SUGCT: variants seen among roughly 807,000 people sequenced by gnomAD.
SUGCT encodes succinyl-CoA:glutarate CoA-transferase.
Under a neutral mutation model 55.0 loss-of-function variants are expected in SUGCT, and 41 were observed. That is an observed-to-expected ratio of 0.74 (90% CI 0.58 to 0.97). SUGCT has a LOEUF of 0.97. Among genes scored for constraint, SUGCT ranks in the 50% least tolerant of loss-of-function variants. SUGCT has a pLI of 0.00. For missense variants in SUGCT, 568 were observed against 547.8 expected (o/e 1.04, Z -0.37); for synonymous variants, 187 against 200.4 (o/e 0.93, Z 0.56).
chr7:40,756,208 G>A (rs1057138220), intron 13 of SUGCT, among the ~76,000 whole-genome samples: 22 of 152,312 alleles, frequency 1.4e-4, no homozygotes, highest in African/African-American at 4.6e-4. Context: ...GGGCAAAAAT[G>A]TCATAATTTG....
At chr7:40,376,761 A>G (rs1784568406) in intron 9 of SUGCT, among the ~76,000 whole-genome samples, 1 of 149,138 alleles carries the variant, frequency 6.7e-6, no homozygotes, top group East Asian at 1.9e-4. Flanking sequence ...TTTTTTTAAC[A>G]GTTGCATACT....
At chr7:40,274,794 G>A in intron 8 of SUGCT, 138 bp downstream of exon 8, 1 of 834,678 alleles carries the variant, frequency 1.2e-6, no homozygotes, top group Non-Finnish European at 1.9e-6. Context: ...GTTTCATTTT[G>A]ATGTACTTGT....
intron 6 of SUGCT, among the ~76,000 whole-genome samples, chr7:40,234,863 G>A (rs569491684): frequency 5.5e-4 from 83 of 151,968 alleles, no homozygotes; most frequent in South Asian, 1.5e-3. Flanking sequence ...GAGCCCCGAC[G>A]GTGCCACTGC....
rs562284152 is a variant in SUGCT, at chr7:40,756,675, A to C, written c.1153+7178A>C. On this transcript the variant is annotated intron_variant, in intron 13 of 13. Transcript: ENST00000335693. ...AAAAATTAAGAGGAACCAAAGTTTC[A>C]GCATATATCTCTCCATAAAGTTTAA... Among the ~76,000 whole-genome samples the C allele has an allele frequency of 3.9e-5, 6 of 152,336 alleles. No homozygotes were observed. In the East Asian group the frequency reaches 1.2e-3, roughly 29 times the overall value.
At chr7:40,916,066 TA>T in the SUGCT span, among the ~76,000 whole-genome samples, 3 of 90,246 alleles carry the variant, frequency 3.3e-5, no homozygotes, top group African/African-American at 1.2e-4. Context: ...TCTCTCTCTC[TA>T]CATACACACA....
intron 9 of SUGCT, among the ~76,000 whole-genome samples, chr7:40,442,369 T>C (rs1788560579): frequency 6.6e-6 from 1 of 152,094 alleles, no homozygotes; most frequent in Admixed American, 6.6e-5. Context: ...AATTTTTCTG[T>C]CATATTTCTC....
At chr7:40,486,551 G>C (rs1791361495) in intron 11 of SUGCT, among the ~76,000 whole-genome samples, 3 of 151,966 alleles carry the variant, frequency 2.0e-5, no homozygotes, top group Non-Finnish European at 4.4e-5. Flanking sequence ...TCCATGAGGT[G>C]CATGATTAGA....
chr7:40,926,108 A>C, the SUGCT span, among the ~76,000 whole-genome samples: 1 of 152,068 alleles, frequency 6.6e-6, no homozygotes, highest in African/African-American at 2.4e-5. Context: ...TTAAAAAAAA[A>C]AAATCCCACT....
the SUGCT span, among the ~76,000 whole-genome samples, chr7:40,986,321 A>G: frequency 7.1e-3 from 1,084 of 152,336 alleles, 12 homozygotes; most frequent in African/African-American, 0.024. Flanking sequence ...GTCAAAATGA[A>G]TAAGAGTTTT....
At chr7:40,301,398 T>C (rs2151078252) in intron 8 of SUGCT, among the ~76,000 whole-genome samples, 1 of 152,350 alleles carries the variant, frequency 6.6e-6, no homozygotes, top group Middle Eastern at 3.4e-3. Flanking sequence ...TTAATTAATA[T>C]AGCAATCCTT....
chr7:40,539,580 A>G (rs564099664), intron 12 of SUGCT: 4 of 152,206 alleles, frequency 2.6e-5, no homozygotes, highest in African/African-American at 9.7e-5. Flanking sequence ...AAAACTCTTC[A>G]CTGGCACTAA....
chr7:40,882,238 C>A, the SUGCT span, among the ~76,000 whole-genome samples: 4 of 152,128 alleles, frequency 2.6e-5, no homozygotes, highest in Non-Finnish European at 4.4e-5. Flanking sequence ...GTTCTTGAAG[C>A]CTGGCCAGTA....
chr7:40,140,217 T>A (rs1160850815), intron 1 of SUGCT, among the ~76,000 whole-genome samples: 2 of 152,100 alleles, frequency 1.3e-5, no homozygotes, highest in East Asian at 1.9e-4. Context: ...TTGATTTTTT[T>A]ATATGGTGAG....
At chr7:40,193,432 G>A (rs577216533) in intron 5 of SUGCT, among the ~76,000 whole-genome samples, 2 of 151,562 alleles carry the variant, frequency 1.3e-5, no homozygotes, top group East Asian at 2.0e-4. Context: ...CTACAGGCAC[G>A]TGCCACCACG....
chr7:40,366,434 A>G (rs1159927453), intron 9 of SUGCT, among the ~76,000 whole-genome samples: 3 of 152,078 alleles, frequency 2.0e-5, no homozygotes, highest in African/African-American at 4.8e-5. Flanking sequence ...TAAACTAAAG[A>G]GCTTCTGCAC....
intron 9 of SUGCT, among the ~76,000 whole-genome samples, chr7:40,439,083 T>C: frequency 8.4e-6 from 1 of 118,506 alleles, no homozygotes; most frequent in East Asian, 2.6e-4. Flanking sequence ...TATATATATA[T>C]ATATATATAT....
At chr7:40,486,835 C>T (rs1162742673) in intron 11 of SUGCT, among the ~76,000 whole-genome samples, 1 of 151,104 alleles carries the variant, frequency 6.6e-6, no homozygotes, top group African/African-American at 2.4e-5. Flanking sequence ...AAGCGCTCCT[C>T]CTGCCCCAGC....
chr7:40,626,445 G>A (rs1428926216), intron 12 of SUGCT, among the ~76,000 whole-genome samples: 1 of 151,154 alleles, frequency 6.6e-6, no homozygotes, highest in African/African-American at 2.4e-5. Flanking sequence ...GGAGAGGTGA[G>A]GTTTCACTGT....
At chr7:40,437,199 T>A (rs185938941) in intron 9 of SUGCT, among the ~76,000 whole-genome samples, 127 of 152,290 alleles carry the variant, frequency 8.3e-4, no homozygotes, top group African/African-American at 2.9e-3. Context: ...TATGAGGCAG[T>A]TGCCCATTTC....
Sources: gnomAD v4.1 joint callset for allele counts (sites outside exome capture counted in the v4.1 genomes callset) on GRCh38, gnomAD v4.1.1 for gene constraint, MANE v1.5 for transcripts, NCBI Gene and HGNC (gene_info 2026-07-23, HGNC 2026-07-21) for gene names.